Variants in DLGAP1 observed in about 807,000 individuals in gnomAD.
DLGAP1 encodes the protein disks large-associated protein 1.
In DLGAP1, 11 loss-of-function variants were observed where a neutral mutation model predicts 90.8. The observed-to-expected ratio is 0.12, with a 90% CI of 0.08 to 0.20. DLGAP1 has a LOEUF of 0.20. Among genes scored for constraint, DLGAP1 ranks in the 10% least tolerant of loss-of-function variants. The pLI, the probability that DLGAP1 is intolerant of heterozygous loss-of-function variation, is 1.00. For synonymous variants in DLGAP1, 558 were observed against 540.7 expected (o/e 1.03, Z -0.44); for missense variants, 1,050 against 1,333.8 (o/e 0.79, Z 3.31).
intron 6 of DLGAP1, among the ~76,000 whole-genome samples, chr18:3,741,112 C>CCACCATCACCAT (rs2062950230): frequency 7.8e-6 from 1 of 128,454 alleles, no homozygotes; most frequent in Non-Finnish European, 1.7e-5. Flanking sequence ...ATCACCATCA[C>CCACCATCACCAT]CACCACCATC....
At chr18:3,592,799 G>A (rs2056325383) in intron 7 of DLGAP1, among the ~76,000 whole-genome samples, 1 of 121,726 alleles carries the variant, frequency 8.2e-6, no homozygotes, top group South Asian at 2.9e-4. Context: ...AGCCATGACT[G>A]TGCCACTGCA....
intron 7 of DLGAP1, among the ~76,000 whole-genome samples, chr18:3,668,927 T>C (rs2059978467): frequency 6.6e-6 from 1 of 152,000 alleles, no homozygotes; most frequent in Admixed American, 6.6e-5. Context: ...GAGCTTGCAA[T>C]GAGCCGAGAT....
chr18:4,024,638 C>T (rs956753610), intron 2 of DLGAP1, among the ~76,000 whole-genome samples: 2 of 152,138 alleles, frequency 1.3e-5, no homozygotes, highest in African/African-American at 4.8e-5. Flanking sequence ...TTTATGTACC[C>T]AGAAAGGGGG....
At chr18:3,747,055 T>C (rs2063299754) in intron 5 of DLGAP1, among the ~76,000 whole-genome samples, 1 of 152,210 alleles carries the variant, frequency 6.6e-6, no homozygotes, top group Non-Finnish European at 1.5e-5. Context: ...TGCATTTTAC[T>C]GTTACAAAAG....
chr18:3,793,742 GCTTT>G (rs1380224535), intron 5 of DLGAP1, among the ~76,000 whole-genome samples: 12 of 152,242 alleles, frequency 7.9e-5, no homozygotes, highest in African/African-American at 2.6e-4. Context: ...AGGACTTGCT[GCTTT>G]CTGTCTGACT....
intron 8 of DLGAP1, chr18:3,580,524 C>A: frequency 1.9e-6 from 3 of 1,596,702 alleles, no homozygotes; most frequent in Non-Finnish European, 2.6e-6. Context: ...GAGGAGGCGG[C>A]GGCAGCGGAG....
chr18:3,929,234 G>GTA (rs1396836009), intron 3 of DLGAP1, among the ~76,000 whole-genome samples: 1 of 152,196 alleles, frequency 6.6e-6, no homozygotes, highest in Admixed American at 6.5e-5. Flanking sequence ...AAACTTAAGA[G>GTA]TAAAGTAAGG....
intron 2 of DLGAP1, among the ~76,000 whole-genome samples, chr18:4,054,941 C>A (rs754997566): frequency 6.6e-6 from 1 of 152,122 alleles, no homozygotes; most frequent in African/African-American, 2.4e-5. Context: ...AAGTTGAGAT[C>A]AAATTTTATG....
chr18:4,377,533 CA>C (rs1325194166), intron 1 of DLGAP1, among the ~76,000 whole-genome samples: 1 of 152,080 alleles, frequency 6.6e-6, no homozygotes, highest in Non-Finnish European at 1.5e-5. Context: ...AAAGGATAAA[CA>C]AGTTTTATTG....
intron 2 of DLGAP1, among the ~76,000 whole-genome samples, chr18:4,091,704 A>C (rs1030444810): frequency 2.0e-5 from 3 of 152,116 alleles, no homozygotes; most frequent in African/African-American, 7.2e-5. Context: ...TTTTCATAGC[A>C]TTTCCAATTG....
Position 3,813,410 on chromosome 18 carries a change from A to G in DLGAP1, c.1172+649T>C, listed in dbSNP as rs78566046. ...ATCTAAGTTTTTGTAAGTGTACTCT[A>G]TGATGTGTGCACAGTGAAATCGCTT... is the stretch of plus-strand genomic sequence containing the variant. On this transcript the variant is annotated intron_variant, in intron 5 of 12. Transcript: ENST00000315677. Among the ~76,000 whole-genome samples, 930 of 152,304 alleles carry G rather than the reference A, an allele frequency of 6.1e-3. 11 individuals are homozygous for G. The highest frequency in any genetic ancestry group is 0.02 in the African/African-American group (839 of 41,558).
intron 2 of DLGAP1, among the ~76,000 whole-genome samples, chr18:4,134,829 G>A (rs2076374396): frequency 1.3e-5 from 2 of 152,004 alleles, no homozygotes; most frequent in East Asian, 3.9e-4. Context: ...GGGCGATACT[G>A]CTGAGAGCAT....
chr18:3,765,694 C>T (rs1282999392), intron 5 of DLGAP1, among the ~76,000 whole-genome samples: 4 of 151,900 alleles, frequency 2.6e-5, no homozygotes, highest in Middle Eastern at 3.4e-3. Context: ...ATTAGCCAGG[C>T]GTGGTGGCAG....
chr18:4,274,056 A>G (rs180694523), intron 1 of DLGAP1, among the ~76,000 whole-genome samples: 113 of 144,746 alleles, frequency 7.8e-4, no homozygotes, highest in Middle Eastern at 3.6e-3. Context: ...CTTCTCTCTC[A>G]TTTAGGTTTA....
At position 3,889,822 on chromosome 18, in the gene DLGAP1, C is replaced by T. The variant is rs181734978; in HGVS notation, c.-72-9682G>A. On this transcript the variant is annotated intron_variant, in intron 3 of 12. Transcript: ENST00000315677. ...CAAGTAAAGGAAGGGCCCATGTCGG[C>T]CCCACTGGAAGCCAGAGTTGATGCT... 2.4e-3 allele frequency among the ~76,000 whole-genome samples: 371 copies of T among 152,328 alleles called. 6 individuals are homozygous for T. The highest frequency in any genetic ancestry group is 2.1e-3 in the Non-Finnish European group (146 of 68,038).
chr18:4,182,989 T>C (rs2077233149), intron 1 of DLGAP1, among the ~76,000 whole-genome samples: 1 of 152,146 alleles, frequency 6.6e-6, no homozygotes, highest in Admixed American at 6.6e-5. Flanking sequence ...GCTGGGCTCC[T>C]TAAAATGGCA....
rs778103617 is a variant in DLGAP1 at position 3,502,666 on chromosome 18, C to T, written c.2572-21G>A. On this transcript the variant is annotated intron_variant, in intron 11 of 12. Transcript: ENST00000315677. ...GGATTCTGCACAAGAGAAAGAAAAACATTCATGCTTTAGAAGCAATTCTTG... is the reference window on the plus strand; with the variant it reads ...GGATTCTGCACAAGAGAAAGAAAAATATTCATGCTTTAGAAGCAATTCTTG... 7 of 1,593,354 alleles carry T rather than the reference C, an allele frequency of 4.4e-6. No homozygotes were observed. The South Asian group carries it at 5.8e-5, about 13-fold the overall frequency.
intron 4 of DLGAP1, chr18:3,845,441 T>C: frequency 7.4e-7 from 1 of 1,349,612 alleles, no homozygotes; most frequent in Non-Finnish European, 9.6e-7. Flanking sequence ...TTTGCAACTT[T>C]ACATTTTCAT....
chr18:3,499,707 G>T lies in DLGAP1; in HGVS notation c.2725-313C>A, dbSNP rs994520631. Among the ~76,000 whole-genome samples the T allele has an allele frequency of 1.3e-5, 2 of 152,136 alleles. No individual in the cohort carries two copies. Among genetic ancestry groups the T allele is most frequent in the Admixed American group, 1.3e-4 (2 of 15,278 alleles). On this transcript the variant is annotated intron_variant, in intron 12 of 12. Transcript: ENST00000315677. This position sits in a 1 kb window ranked among gnomAD's most constrained non-coding sequence, Gnocchi z 6.4. Reference sequence around the variant, plus strand: ...TGCGGCTCCCAGCACATTGAGTGCGGTTCTCTCTGGAGACTCCAGACTCCT... The same window carrying T: ...TGCGGCTCCCAGCACATTGAGTGCGTTTCTCTCTGGAGACTCCAGACTCCT...
Sources: allele counts gnomAD v4.1 joint callset (sites outside exome capture counted in the v4.1 genomes callset), GRCh38; gene constraint gnomAD v4.1.1; non-coding constraint Gnocchi (gnomAD v3.1); transcripts MANE v1.5; gene names NCBI Gene and HGNC (gene_info 2026-07-23, HGNC 2026-07-21).